Variants in SDK1 observed in about 807,000 individuals in gnomAD.
SDK1 encodes the protein protein sidekick-1.
SDK1 carries 157 observed loss-of-function variants against 245.5 expected under a neutral mutation model. The ratio of observed to expected loss-of-function variants is 0.64; its 90% CI spans 0.56 to 0.73. The LOEUF is 0.73. Among genes scored for constraint, SDK1 ranks in the 30% least tolerant of loss-of-function variants. The pLI is 0.00. For missense variants in SDK1, 3,583 were observed against 3,002.3 expected, an observed-to-expected ratio of 1.19 and a Z score of -4.52; for synonymous variants, 1,647 against 1,278.5, an observed-to-expected ratio of 1.29 and a Z score of -6.15.
intron 22 of SDK1, among the ~76,000 whole-genome samples, chr7:4,099,862 G>A (rs568299638): frequency 5.9e-5 from 9 of 151,900 alleles, no homozygotes; most frequent in Admixed American, 1.3e-4. Context: ...CTAAGAAACC[G>A]TGGCTGCTGG....
At chr7:3,657,101 G>T (rs962607626) in intron 4 of SDK1, among the ~76,000 whole-genome samples, 2 of 152,166 alleles carry the variant, frequency 1.3e-5, no homozygotes, top group Non-Finnish European at 2.9e-5. Context: ...GGAGGAGGGG[G>T]AAAGCTGCCG....
At position 3,641,956 on chromosome 7, in the gene SDK1, A is replaced by G. The variant is rs762303435; in HGVS notation, c.566-2A>G. 6.2e-7 allele frequency: 1 copy of G among 1,609,578 alleles called. No homozygotes were observed. Among genetic ancestry groups the G allele is most frequent in the East Asian group, 2.2e-5 (1 of 44,792 alleles). ...CTTGAAAGCACTTCTTTTTCTCTGCAGATATGGGAAGTTTCATGGATACGG... is the reference window on the plus strand; with the variant it reads ...CTTGAAAGCACTTCTTTTTCTCTGCGGATATGGGAAGTTTCATGGATACGG... On this transcript the variant is annotated splice_acceptor_variant, in intron 3 of 44. Coordinates refer to ENST00000404826, the MANE Select transcript of SDK1 (RefSeq NM_152744.4). LOFTEE classifies it high-confidence loss of function.
At chr7:3,361,604 T>C (rs1780955925) in intron 1 of SDK1, among the ~76,000 whole-genome samples, 1 of 152,240 alleles carries the variant, frequency 6.6e-6, no homozygotes, top group African/African-American at 2.4e-5. Context: ...TAATTGTTTC[T>C]AAATCTCAGT....
At chr7:3,430,703 A>C (rs140771902) in intron 1 of SDK1, among the ~76,000 whole-genome samples, 40 of 152,294 alleles carry the variant, frequency 2.6e-4, no homozygotes, top group African/African-American at 8.7e-4. Flanking sequence ...GGAGTTCGTT[A>C]GGTATCCGTG....
intron 2 of SDK1, among the ~76,000 whole-genome samples, chr7:3,629,708 A>G (rs963915855): frequency 6.6e-6 from 1 of 152,228 alleles, no homozygotes; most frequent in African/African-American, 2.4e-5. Context: ...AAAGTTAATG[A>G]ATATTTATAG....
chr7:3,672,308 A>T (rs937085405), intron 4 of SDK1, among the ~76,000 whole-genome samples: 21 of 151,988 alleles, frequency 1.4e-4, no homozygotes, highest in Admixed American at 1.3e-3. Flanking sequence ...TTATTCTATC[A>T]CAGCAAGCAG....
At chr7:4,016,900 G>A (rs1042710797) in intron 16 of SDK1, among the ~76,000 whole-genome samples, 7 of 152,170 alleles carry the variant, frequency 4.6e-5, no homozygotes, top group South Asian at 2.1e-4. Context: ...GTCCCTAGAC[G>A]AGTTACATGT....
intron 4 of SDK1, among the ~76,000 whole-genome samples, chr7:3,788,936 G>T (rs1201298252): frequency 1.3e-5 from 2 of 152,186 alleles, no homozygotes; most frequent in Non-Finnish European, 2.9e-5. Context: ...TTTAGATGTA[G>T]AATAGAACTG....
intron 5 of SDK1, among the ~76,000 whole-genome samples, chr7:3,834,112 A>T (rs1287113279): frequency 6.6e-6 from 1 of 152,220 alleles, no homozygotes; most frequent in Non-Finnish European, 1.5e-5. Flanking sequence ...ATGTAGAAGA[A>T]CCAAGGGAAG....
intron 19 of SDK1, among the ~76,000 whole-genome samples, chr7:4,057,478 G>A (rs919776612): frequency 4.1e-4 from 62 of 152,274 alleles, no homozygotes; most frequent in African/African-American, 1.4e-3. Flanking sequence ...AGTGCAGACT[G>A]CTAAGGAGCC....
intron 1 of SDK1, among the ~76,000 whole-genome samples, chr7:3,467,234 T>G (rs1781035578): frequency 6.6e-6 from 1 of 152,076 alleles, no homozygotes; most frequent in Non-Finnish European, 1.5e-5. Flanking sequence ...TTTCACATTT[T>G]TCCAAAAATT....
At chr7:4,067,309 ATT>A (rs1470188549) in intron 19 of SDK1, among the ~76,000 whole-genome samples, 2 of 151,974 alleles carry the variant, frequency 1.3e-5, no homozygotes. Context: ...TTTTGCTGGG[ATT>A]TTCTCAGGCC....
chr7:4,087,869 G>A (rs531126054), intron 22 of SDK1, among the ~76,000 whole-genome samples: 3 of 152,172 alleles, frequency 2.0e-5, no homozygotes, highest in Non-Finnish European at 4.4e-5. Flanking sequence ...CTGCAAGGTT[G>A]TCATGAGGAT....
intron 1 of SDK1, among the ~76,000 whole-genome samples, chr7:3,457,753 C>G (rs190025146): frequency 1.7e-3 from 257 of 152,288 alleles, no homozygotes; most frequent in African/African-American, 6.0e-3. Flanking sequence ...CCAGACAGCT[C>G]TCATCTTGGC....
intron 1 of SDK1, among the ~76,000 whole-genome samples, chr7:3,394,838 T>A (rs1322908302): frequency 5.9e-5 from 9 of 152,140 alleles, no homozygotes; most frequent in African/African-American, 2.2e-4. Context: ...TTTTTATATA[T>A]TGATCTTGTA....
At chr7:4,200,219 G>A (rs1783810795) in intron 35 of SDK1, among the ~76,000 whole-genome samples, 1 of 152,156 alleles carries the variant, frequency 6.6e-6, no homozygotes, top group African/African-American at 2.4e-5. Context: ...ATTATCACCT[G>A]TACACCCACA....
chr7:3,752,663 T>C (rs927071865), intron 4 of SDK1, among the ~76,000 whole-genome samples: 1 of 152,222 alleles, frequency 6.6e-6, no homozygotes, highest in African/African-American at 2.4e-5. Context: ...TAATCTTTTT[T>C]CCTCATCCTC....
At chr7:3,874,921 G>C (rs183229028) in intron 5 of SDK1, among the ~76,000 whole-genome samples, 4 of 152,144 alleles carry the variant, frequency 2.6e-5, no homozygotes, top group African/African-American at 7.2e-5. Context: ...AGCACCAAGT[G>C]GGGGAAGCTG....
chr7:4,154,151 A>G (rs1397027305), intron 30 of SDK1, among the ~76,000 whole-genome samples: 1 of 152,228 alleles, frequency 6.6e-6, no homozygotes, highest in Non-Finnish European at 1.5e-5. Flanking sequence ...TGAGGCAGGA[A>G]CGTGGAACTT....
Sources: gnomAD v4.1 joint callset for allele counts (sites outside exome capture counted in the v4.1 genomes callset) on GRCh38, gnomAD v4.1.1 for gene constraint, MANE v1.5 for transcripts, NCBI Gene and HGNC (gene_info 2026-07-23, HGNC 2026-07-21) for gene names.